The following SLC25A21 variants were observed in gnomAD, a reference collection of about 807,000 sequenced individuals.
SLC25A21 encodes the protein solute carrier family 25 member 21.
SLC25A21 carries 47 observed loss-of-function variants against 43.8 expected under a neutral mutation model. That is an observed-to-expected ratio of 1.07 (90% CI 0.85 to 1.37). The LOEUF is 1.37. SLC25A21 is among the 40% of genes most tolerant of loss of function. The pLI is 0.00. For missense variants in SLC25A21, 352 were observed against 350.2 expected (o/e 1.00, Z -0.04); for synonymous variants, 131 against 121.3 (o/e 1.08, Z -0.52).
intron 1 of SLC25A21, among the ~76,000 whole-genome samples, chr14:37,048,635 T>C (rs17106107): frequency 0.011 from 1,645 of 152,234 alleles, 23 homozygotes; most frequent in African/African-American, 0.038. Context: ...ATATTATAAA[T>C]CTTTGCATAA....
intron 7 of SLC25A21, among the ~76,000 whole-genome samples, chr14:36,699,944 T>G (rs1013852043): frequency 8.5e-5 from 13 of 152,176 alleles, no homozygotes; most frequent in African/African-American, 2.9e-4. Flanking sequence ...TCACCCTCCG[T>G]GGGCTGCACC....
chr14:37,145,513 G>A (rs1963650202), intron 1 of SLC25A21, among the ~76,000 whole-genome samples: 1 of 151,190 alleles, frequency 6.6e-6, no homozygotes, highest in Non-Finnish European at 1.5e-5. Flanking sequence ...GGACACCACA[G>A]TAGGAATTTA....
chr14:36,898,679 C>G (rs1891318516), intron 1 of SLC25A21, among the ~76,000 whole-genome samples: 1 of 152,160 alleles, frequency 6.6e-6, no homozygotes, highest in Non-Finnish European at 1.5e-5. Flanking sequence ...TTGGCTCCAT[C>G]CCCCAATCTC....
At chr14:36,857,815 G>A (rs116878308) in intron 2 of SLC25A21, among the ~76,000 whole-genome samples, 165 of 152,338 alleles carry the variant, frequency 1.1e-3, no homozygotes, top group African/African-American at 3.7e-3. Flanking sequence ...GAAGATGGGC[G>A]GGCCACAGCC....
chr14:37,126,710 C>T (rs996561514), intron 1 of SLC25A21, among the ~76,000 whole-genome samples: 1 of 152,162 alleles, frequency 6.6e-6, no homozygotes, highest in Non-Finnish European at 1.5e-5. Flanking sequence ...CCTGATTCTG[C>T]TTAACAAACA....
chr14:36,772,323 C>T (rs1886649041), intron 3 of SLC25A21, among the ~76,000 whole-genome samples: 1 of 152,146 alleles, frequency 6.6e-6, no homozygotes, highest in Admixed American at 6.5e-5. Flanking sequence ...AGGGCTAAAT[C>T]CTGAGACATA....
At chr14:36,970,080 A>G (rs1050068797) in intron 1 of SLC25A21, among the ~76,000 whole-genome samples, 4 of 152,218 alleles carry the variant, frequency 2.6e-5, no homozygotes, top group African/African-American at 9.6e-5. Flanking sequence ...CACTTTCCTT[A>G]GACATGAAAG....
chr14:36,791,597 TCA>T (rs1008152378), intron 3 of SLC25A21, among the ~76,000 whole-genome samples: 4 of 152,220 alleles, frequency 2.6e-5, no homozygotes, highest in African/African-American at 9.6e-5. Flanking sequence ...CTCAGCTGTT[TCA>T]CAGACATAAA....
intron 7 of SLC25A21, among the ~76,000 whole-genome samples, chr14:36,707,519 G>A (rs1198509113): frequency 1.3e-5 from 2 of 151,958 alleles, no homozygotes; most frequent in African/African-American, 4.8e-5. Flanking sequence ...ATTAAATCGG[G>A]GTCCTGATTA....
chr14:37,118,226 T>C (rs1963141599), intron 1 of SLC25A21, among the ~76,000 whole-genome samples: 1 of 152,134 alleles, frequency 6.6e-6, no homozygotes, highest in South Asian at 2.1e-4. Context: ...ACTTTTGAGA[T>C]GTCTTTTCAG....
intron 1 of SLC25A21, among the ~76,000 whole-genome samples, chr14:36,925,916 T>C (rs1300090325): frequency 6.6e-6 from 1 of 151,688 alleles, no homozygotes; most frequent in Non-Finnish European, 1.5e-5. Flanking sequence ...TTGAAAGAAG[T>C]AGAAATAGAC....
intron 6 of SLC25A21, among the ~76,000 whole-genome samples, chr14:36,725,002 A>T (rs534575812): frequency 6.6e-6 from 1 of 152,374 alleles, no homozygotes; most frequent in South Asian, 2.1e-4. Context: ...GAGCTCTAAA[A>T]TAAAAAATGA....
chr14:36,835,579 G>A (rs2138488082), intron 2 of SLC25A21, among the ~76,000 whole-genome samples: 1 of 152,280 alleles, frequency 6.6e-6, no homozygotes, highest in East Asian at 1.9e-4. Flanking sequence ...CAAACGTTTA[G>A]CCCACAGAAG....
chr14:36,905,708 A>G (rs189059285), intron 1 of SLC25A21, among the ~76,000 whole-genome samples: 2 of 152,288 alleles, frequency 1.3e-5, no homozygotes, highest in East Asian at 3.9e-4. Flanking sequence ...CAGATCAAAG[A>G]TAGGCTAGCA....
chr14:36,711,225 C>A, intron 7 of SLC25A21, 93 bp downstream of exon 7: 1 of 1,139,302 alleles, frequency 8.8e-7, no homozygotes, highest in South Asian at 1.5e-5. Flanking sequence ...AGGTGTCCAG[C>A]ACAGTGACCA....
chr14:36,935,164 G>C (rs908117064), intron 1 of SLC25A21, among the ~76,000 whole-genome samples: 2 of 152,112 alleles, frequency 1.3e-5, no homozygotes, highest in Non-Finnish European at 2.9e-5. Flanking sequence ...CTGGTATAGA[G>C]TTTCTAACTG....
chr14:36,882,563 G>A (rs961554966), intron 1 of SLC25A21, among the ~76,000 whole-genome samples: 1 of 151,974 alleles, frequency 6.6e-6, no homozygotes, highest in Non-Finnish European at 1.5e-5. Context: ...TGAGAAGAGG[G>A]AGCATTTATC....
intron 3 of SLC25A21, among the ~76,000 whole-genome samples, chr14:36,773,853 A>C (rs1320889802): frequency 6.6e-6 from 1 of 152,214 alleles, no homozygotes; most frequent in Non-Finnish European, 1.5e-5. Flanking sequence ...ATAGATACAT[A>C]CATCCATTCA....
chr14:36,833,178 C>CTA (rs1196985868), intron 2 of SLC25A21, among the ~76,000 whole-genome samples: 4 of 152,104 alleles, frequency 2.6e-5, no homozygotes, highest in African/African-American at 4.8e-5. Flanking sequence ...AAAATAAATT[C>CTA]TATATATATA....
Sources: allele counts gnomAD v4.1 joint callset (sites outside exome capture counted in the v4.1 genomes callset), GRCh38; gene constraint gnomAD v4.1.1; transcripts MANE v1.5; gene names NCBI Gene and HGNC (gene_info 2026-07-23, HGNC 2026-07-21).